MOB2: variants seen among roughly 807,000 people sequenced by gnomAD.
MOB2 encodes MOB kinase activator 2.
MOB2 carries 14 observed loss-of-function variants against 27.4 expected under a neutral mutation model. The observed-to-expected ratio is 0.51, with a 90% CI of 0.34 to 0.80. The LOEUF (loss-of-function observed/expected upper bound fraction) is 0.80, where lower values mean the gene tolerates loss of function less well. Ranked by LOEUF, MOB2 falls within the 30% of genes least tolerant of loss-of-function variation. The pLI, the probability that MOB2 is intolerant of heterozygous loss-of-function variation, is 0.01. For missense variants in MOB2, 304 were observed against 354.6 expected (o/e 0.86, Z 1.15); for synonymous variants, 167 against 151.8 (o/e 1.10, Z -0.74).
At chr11:1,473,815 G>A (rs1403419065) in intron 3 of MOB2, among the ~76,000 whole-genome samples, 4 of 152,244 alleles carry the variant, frequency 2.6e-5, no homozygotes, top group Non-Finnish European at 1.5e-5. Flanking sequence ...ACACGCGGCG[G>A]CTTACGTGGC....
At chr11:1,472,234 G>C (rs1004405620) in intron 3 of MOB2, 1 of 151,844 alleles carries the variant, frequency 6.6e-6, no homozygotes, top group African/African-American at 2.4e-5. Flanking sequence ...CACGGTGCTG[G>C]GTCTCAGTCC....
At chr11:1,472,349 A>C (rs184083152) in intron 3 of MOB2, 1 of 152,308 alleles carries the variant, frequency 6.6e-6, no homozygotes, top group East Asian at 1.9e-4. Context: ...CTGTGGTGGG[A>C]GTGCTCACAC....
intron 3 of MOB2, among the ~76,000 whole-genome samples, chr11:1,475,381 C>CA (rs1459790891): frequency 1.3e-5 from 2 of 152,210 alleles, no homozygotes; most frequent in Non-Finnish European, 2.9e-5. Context: ...GCAAGACCCC[C>CA]AGGGGATGCC....
At chr11:1,477,157 G>A (rs1847860671) in intron 3 of MOB2, among the ~76,000 whole-genome samples, 1 of 151,614 alleles carries the variant, frequency 6.6e-6, no homozygotes, top group African/African-American at 2.4e-5. Context: ...GGAGAGGGCT[G>A]CAATCCCCGG....
intron 4 of MOB2, 23 bp downstream of exon 4, chr11:1,471,272 G>T: frequency 6.2e-7 from 1 of 1,602,798 alleles, no homozygotes; most frequent in Non-Finnish European, 8.5e-7. Flanking sequence ...GAGGATGACC[G>T]CCCAGTGCTG....
At chr11:1,482,956 T>G (rs1300852606) in intron 1 of MOB2, among the ~76,000 whole-genome samples, 2 of 152,140 alleles carry the variant, frequency 1.3e-5, no homozygotes. Context: ...CAGGAAGCAG[T>G]CACTCTGAGG....
intron 3 of MOB2, among the ~76,000 whole-genome samples, chr11:1,473,898 C>T (rs544648793): frequency 4.6e-5 from 7 of 152,386 alleles, no homozygotes; most frequent in African/African-American, 1.2e-4. Flanking sequence ...GGGAAGGAAT[C>T]GCACCGCGCG....
intron 1 of MOB2, among the ~76,000 whole-genome samples, chr11:1,483,790 C>G (rs4323851): frequency 0.062 from 9,407 of 152,310 alleles, 1,010 homozygotes; most frequent in African/African-American, 0.21. Flanking sequence ...CAGCACGTAA[C>G]TGATCCCTAC....
intron 2 of MOB2, 27 bp from the exon 3 acceptor site, chr11:1,480,513 G>A: frequency 1.2e-6 from 2 of 1,610,196 alleles, no homozygotes; most frequent in Non-Finnish European, 1.7e-6. Flanking sequence ...GGAGCCAGAT[G>A]TGAAAAACGC....
Position 1,486,679 on chromosome 11 carries a change from C to G in MOB2, c.-123G>C. On this transcript the variant is annotated 5_prime_UTR_variant, in exon 1 of 5. Transcript: ENST00000329957. ...TGGCCAATGGGACGCCTGGCAGAGA[C>G]AAACAGCTGCCCCCTTTCCAGAGGC... The G allele has an allele frequency of 3.0e-6, 2 of 656,516 alleles. No individual in the cohort carries two copies. Among genetic ancestry groups the G allele is most frequent in the Non-Finnish European group, 5.4e-6 (2 of 373,288 alleles). The allele number at this position is 656,516 out of a possible 1,614,324, so 40.7% of individuals were successfully genotyped here. A position where few individuals can be genotyped will look rare whatever the true frequency, so the allele number is the denominator to read the frequency against.
chr11:1,483,200 T>C (rs1847935382), intron 1 of MOB2, among the ~76,000 whole-genome samples: 1 of 152,150 alleles, frequency 6.6e-6, no homozygotes, highest in African/African-American at 2.4e-5. Context: ...CCCAGGGAAG[T>C]GCCGAGGCCC....
intron 2 of MOB2, 112 bp downstream of exon 2, chr11:1,480,612 CT>C: frequency 6.6e-7 from 1 of 1,526,384 alleles, no homozygotes; most frequent in Non-Finnish European, 8.9e-7. Context: ...GGGCCACATT[CT>C]CCCCTCGCGG....
At chr11:1,485,833 CCCCCGCAGCA>C (rs1847964336) in intron 1 of MOB2, among the ~76,000 whole-genome samples, 1 of 152,202 alleles carries the variant, frequency 6.6e-6, no homozygotes, top group South Asian at 2.1e-4. Flanking sequence ...CAGGGAGGCA[CCCCCGCAGCA>C]GGTCAGAGAA....
chr11:1,482,375 C>T (rs1294072760), intron 1 of MOB2, among the ~76,000 whole-genome samples: 1 of 152,230 alleles, frequency 6.6e-6, no homozygotes, highest in African/African-American at 2.4e-5. Context: ...GCAGTTCCTG[C>T]CCCCTTGCCA....
intron 4 of MOB2, 131 bp downstream of exon 4, chr11:1,471,164 C>G: frequency 7.8e-7 from 1 of 1,280,460 alleles, no homozygotes; most frequent in Admixed American, 2.5e-5. Flanking sequence ...TAAGCAGGGA[C>G]TGGGGTGGTG....
intron 3 of MOB2, chr11:1,473,363 T>A (rs776372212): frequency 3.9e-5 from 6 of 152,308 alleles, no homozygotes; most frequent in Non-Finnish European, 8.8e-5. Flanking sequence ...CCTTTCAGCA[T>A]CTGCTCCTCG....
chr11:1,480,952 C>G, intron 1 of MOB2, 67 bp from the exon 2 acceptor site: 1 of 1,524,516 alleles, frequency 6.6e-7, no homozygotes, highest in Non-Finnish European at 8.8e-7. Flanking sequence ...CCCGGGGGGT[C>G]AGTTGTGGCC....
In MOB2 at chr11:1,471,390, T is replaced by C. The variant is rs779255668; in HGVS notation, c.395A>G (p.Lys132Arg). 6.2e-6 allele frequency: 10 copies of C among 1,613,418 alleles called. No individual in the cohort carries two copies. The South Asian group carries it at 6.6e-5, about 11-fold the overall frequency. The stretch of plus-strand genomic sequence containing the variant: ...CTGTGGGGCCGTGCACTTGACCTTC[T>C]TCCCCCGCTCGTCATACCAGTAGTA... The part of the protein sequence containing the change: ...TQYYWYDERG[K>R]KVKCTAPQYV... The change falls in exon 4 of 5, where the codon AAG becomes AGG. Residue 132 changes from lysine (K) to arginine (R), a missense_variant. By Grantham distance (26) the Lys-to-Arg change is conservative (BLOSUM62 2). Transcript: ENST00000329957.
chr11:1,482,129 G>A (rs1378283899), intron 1 of MOB2, among the ~76,000 whole-genome samples: 1 of 152,232 alleles, frequency 6.6e-6, no homozygotes, highest in Non-Finnish European at 1.5e-5. Flanking sequence ...CCCCACCCGG[G>A]CAGCTACAGC....
Sources: allele counts gnomAD v4.1 joint callset (sites outside exome capture counted in the v4.1 genomes callset), GRCh38; gene constraint gnomAD v4.1.1; transcripts MANE v1.5; gene names NCBI Gene and HGNC (gene_info 2026-07-23, HGNC 2026-07-21).